Variants in PAM observed in about 807,000 individuals in gnomAD.
The protein encoded by PAM is peptidylglycine alpha-amidating monooxygenase.
Under a neutral mutation model 122.1 loss-of-function variants are expected in PAM, and 72 were observed. The ratio of observed to expected loss-of-function variants is 0.59; its 90% CI spans 0.49 to 0.72. The LOEUF is 0.72. Among genes scored for constraint, PAM ranks in the 30% least tolerant of loss-of-function variants. PAM has a pLI of 0.00. For missense variants in PAM, 1,106 were observed against 1,183.7 expected (o/e 0.93, Z 0.96); for synonymous variants, 389 against 404.4 (o/e 0.96, Z 0.46).
intron 7 of PAM, among the ~76,000 whole-genome samples, chr5:102,940,297 TC>T (rs1463125785): frequency 2.0e-5 from 3 of 151,834 alleles, no homozygotes; most frequent in Admixed American, 2.0e-4. Context: ...CAATCCCTTT[TC>T]ATTTCATGAT....
chr5:102,851,114 A>T lies in PAM; in HGVS notation c.-373-14709A>T, dbSNP rs187330428. Among the ~76,000 whole-genome samples the T allele has an allele frequency of 1.1e-4, 17 of 152,304 alleles. No homozygotes were observed. In the East Asian group the frequency reaches 3.1e-3, roughly 28 times the overall value. On this transcript the variant is annotated intron_variant, in intron 1 of 25. Coordinates refer to ENST00000438793, the MANE Select transcript of PAM (RefSeq NM_001177306.2). ...AATCGGATGCACGATTCATTTAGAA[A>T]ATATTATTTTATGTGCATAAAAGTG... is the stretch of plus-strand genomic sequence containing the variant.
At chr5:102,845,106 T>C (rs1018310916) in intron 1 of PAM, among the ~76,000 whole-genome samples, 77 of 152,304 alleles carry the variant, frequency 5.1e-4, no homozygotes, top group African/African-American at 1.8e-3. Flanking sequence ...TCCAATAAGC[T>C]CCCAGGTAAT....
At chr5:102,986,809 T>G (rs1378700695) in intron 15 of PAM, among the ~76,000 whole-genome samples, 3 of 152,086 alleles carry the variant, frequency 2.0e-5, no homozygotes, top group South Asian at 2.1e-4. Flanking sequence ...TCTCACGAGA[T>G]CTGATGGTTT....
intron 1 of PAM, among the ~76,000 whole-genome samples, chr5:102,846,852 T>C (rs1200078380): frequency 2.0e-5 from 3 of 152,252 alleles, no homozygotes; most frequent in South Asian, 2.1e-4. Flanking sequence ...TGGCTTACTC[T>C]AATGTCAAGT....
chr5:102,966,310 A>G (rs1214384868), intron 14 of PAM, among the ~76,000 whole-genome samples: 1 of 152,132 alleles, frequency 6.6e-6, no homozygotes, highest in Non-Finnish European at 1.5e-5. Flanking sequence ...GCAGATGTGA[A>G]TGATCATTTA....
chr5:102,806,410 A>G (rs893476097), intron 1 of PAM, among the ~76,000 whole-genome samples: 6 of 152,220 alleles, frequency 3.9e-5, no homozygotes, highest in Non-Finnish European at 7.3e-5. Flanking sequence ...TTAAAAGCAT[A>G]TAATATGAAC....
At chr5:102,759,154 C>A (rs1216002437) in intron 1 of PAM, among the ~76,000 whole-genome samples, 1 of 152,004 alleles carries the variant, frequency 6.6e-6, no homozygotes, top group Non-Finnish European at 1.5e-5. Flanking sequence ...ATGATTCATG[C>A]CATGATAAGG....
chr5:102,924,817 T>C, intron 5 of PAM, 140 bp from the exon 6 acceptor site: 1 of 577,172 alleles, frequency 1.7e-6, no homozygotes, highest in Non-Finnish European at 3.2e-6. Context: ...TATTCGGATC[T>C]TAAAGCTAAT....
chr5:102,997,125 G>A (rs537723443), intron 16 of PAM, among the ~76,000 whole-genome samples: 3 of 152,260 alleles, frequency 2.0e-5, no homozygotes, highest in Admixed American at 2.0e-4. Flanking sequence ...ACATATAGAT[G>A]ACATGAGTGT....
chr5:102,885,841 A>G (rs916462068), intron 3 of PAM, among the ~76,000 whole-genome samples: 2 of 151,980 alleles, frequency 1.3e-5, no homozygotes, highest in Non-Finnish European at 2.9e-5. Context: ...CCTTCAGTCA[A>G]TTATGGCAGG....
At chr5:102,849,448 C>T (rs996332657) in intron 1 of PAM, among the ~76,000 whole-genome samples, 2 of 150,984 alleles carry the variant, frequency 1.3e-5, no homozygotes, top group African/African-American at 4.9e-5. Flanking sequence ...GTCCCAGCTA[C>T]TTGGGAGGCT....
intron 3 of PAM, among the ~76,000 whole-genome samples, chr5:102,884,237 T>C (rs1258069845): frequency 6.6e-6 from 1 of 151,732 alleles, no homozygotes; most frequent in Non-Finnish European, 1.5e-5. Flanking sequence ...TATTTTATAG[T>C]TGTTAAAAAT....
Position 103,007,568 on chromosome 5 carries a change from A to G in PAM, c.2126A>G (p.Gln709Arg). 1 of 1,613,874 alleles carries G rather than the reference A, an allele frequency of 6.2e-7. No homozygotes were observed. Among genetic ancestry groups the G allele is most frequent in the Non-Finnish European group, 8.5e-7 (1 of 1,179,808 alleles). ...GCAGACCGGGAAAATGGTCGGATCC[A>G]GTGTTTTAAAACTGACACCAAAGAA... ...CVADRENGRI[Q>R]CFKTDTKEFV... is the part of the protein sequence containing the mutation. Residue 709 changes from glutamine to arginine, a missense_variant, in exon 20 of 26, where the codon CAG becomes CGG. By Grantham distance (43) the Gln-to-Arg change is conservative (BLOSUM62 1). This residue lies in a region of PAM where 333 missense variants were observed against 335.6 expected (regional missense o/e 0.99). Coordinates refer to ENST00000438793, the MANE Select transcript of PAM (RefSeq NM_001177306.2).
chr5:102,858,912 T>C (rs914060202), intron 1 of PAM, among the ~76,000 whole-genome samples: 3 of 152,216 alleles, frequency 2.0e-5, no homozygotes, highest in African/African-American at 7.2e-5. Context: ...AAGATTATAA[T>C]AGAGCTGAAC....
chr5:102,935,087 T>C (rs1438281663), intron 7 of PAM, among the ~76,000 whole-genome samples: 1 of 152,126 alleles, frequency 6.6e-6, no homozygotes. Flanking sequence ...GAAAATCCCT[T>C]GTAATACCCC....
At chr5:103,020,242 T>C (rs1165212882) in intron 23 of PAM, among the ~76,000 whole-genome samples, 1 of 152,008 alleles carries the variant, frequency 6.6e-6, no homozygotes, top group Non-Finnish European at 1.5e-5. Context: ...GAGTGAAAAA[T>C]ATCTTTGGTG....
chr5:102,878,443 G>A (rs993877110), intron 3 of PAM, among the ~76,000 whole-genome samples: 4 of 151,984 alleles, frequency 2.6e-5, no homozygotes, highest in African/African-American at 9.7e-5. Context: ...ACTGGCTTAT[G>A]TATTTACTAT....
intron 1 of PAM, among the ~76,000 whole-genome samples, chr5:102,828,821 G>A (rs930513757): frequency 6.6e-6 from 1 of 151,556 alleles, no homozygotes; most frequent in East Asian, 1.9e-4. Context: ...ATGAAACTAT[G>A]TAATCTCCAA....
intron 3 of PAM, among the ~76,000 whole-genome samples, chr5:102,867,853 CTT>C (rs949614322): frequency 9.2e-5 from 14 of 152,186 alleles, no homozygotes; most frequent in Admixed American, 1.3e-4. Flanking sequence ...ACATTCCACT[CTT>C]TTAAAAGTTA....
Sources: allele counts gnomAD v4.1 joint callset (sites outside exome capture counted in the v4.1 genomes callset), GRCh38; gene constraint gnomAD v4.1.1; regional missense constraint gnomAD v4.1.1; transcripts MANE v1.5; gene names NCBI Gene and HGNC (gene_info 2026-07-23, HGNC 2026-07-21).